The following RALGPS2 variants were observed in gnomAD, a reference collection of about 807,000 sequenced individuals.
The protein encoded by RALGPS2 is ras-specific guanine nucleotide-releasing factor RalGPS2.
A neutral mutation model predicts 86.8 loss-of-function variants in RALGPS2; 43 were observed. That is an observed-to-expected ratio of 0.50 (90% CI 0.39 to 0.64). The LOEUF (loss-of-function observed/expected upper bound fraction) is 0.64, where lower values mean the gene tolerates loss of function less well. RALGPS2 is among the 30% of genes least tolerant of loss of function. The pLI is 0.00. For missense variants in RALGPS2, 536 were observed against 694.6 expected, an observed-to-expected ratio of 0.77 and a Z score of 2.57; for synonymous variants, 243 against 231.3, an observed-to-expected ratio of 1.05 and a Z score of -0.46.
chr1:178,818,580 C>T (rs1180798153), intron 6 of RALGPS2, among the ~76,000 whole-genome samples: 1 of 152,178 alleles, frequency 6.6e-6, no homozygotes, highest in Non-Finnish European at 1.5e-5. Flanking sequence ...CTGTCAGCCT[C>T]CAGCACTGAC....
Position 178,862,337 on chromosome 1 carries a change from G to A in RALGPS2, c.608-15161G>A, listed in dbSNP as rs115989982. ...CAATTTTAAGAAGCTCTATAAAAAT[G>A]TCACCAAATCAACTAACACATATTT... On this transcript the variant is annotated intron_variant, in intron 8 of 19. Transcript: ENST00000367635. 3.7e-3 allele frequency among the ~76,000 whole-genome samples: 559 copies of A among 152,178 alleles called. 5 individuals carry two copies. The highest frequency in any genetic ancestry group is 0.012 in the African/African-American group (506 of 41,520).
chr1:178,731,815 T>A (rs545217632), intron 1 of RALGPS2, among the ~76,000 whole-genome samples: 2 of 152,212 alleles, frequency 1.3e-5, no homozygotes, highest in East Asian at 3.9e-4. Context: ...AGTTTAGAGG[T>A]CAGCAGACTT....
intron 17 of RALGPS2, 100 bp from the exon 18 acceptor site, chr1:178,902,006 T>C (rs1455700947): frequency 2.4e-6 from 2 of 831,126 alleles, no homozygotes; most frequent in South Asian, 1.7e-5. Context: ...AAATCTCATC[T>C]TTCATTAGGA....
intron 8 of RALGPS2, chr1:178,864,937 A>T (rs1048784505): frequency 7.1e-7 from 1 of 1,413,118 alleles, no homozygotes; most frequent in Non-Finnish European, 9.3e-7. Flanking sequence ...CACTTTTTAC[A>T]GTAAGAGGTA....
intron 1 of RALGPS2, among the ~76,000 whole-genome samples, chr1:178,775,615 A>G (rs1653042147): frequency 6.6e-6 from 1 of 152,176 alleles, no homozygotes; most frequent in Non-Finnish European, 1.5e-5. Context: ...GACTTCCAGT[A>G]AAGTGGAAAA....
intron 6 of RALGPS2, among the ~76,000 whole-genome samples, chr1:178,814,676 C>T (rs940828969): frequency 6.6e-6 from 1 of 152,100 alleles, no homozygotes; most frequent in African/African-American, 2.4e-5. Context: ...TCTTGAACTC[C>T]TGTGCTCAAG....
intron 8 of RALGPS2, among the ~76,000 whole-genome samples, chr1:178,845,385 C>T (rs1314122706): frequency 6.6e-6 from 1 of 152,004 alleles, no homozygotes; most frequent in Admixed American, 6.6e-5. Flanking sequence ...TTTCTTATAA[C>T]CCTCTGTAAT....
chr1:178,735,556 T>C (rs1650635148), intron 1 of RALGPS2, among the ~76,000 whole-genome samples: 1 of 150,134 alleles, frequency 6.7e-6, no homozygotes, highest in Non-Finnish European at 1.5e-5. Context: ...CCCAAGTAGC[T>C]GGGATTACAG....
intron 8 of RALGPS2, among the ~76,000 whole-genome samples, chr1:178,855,167 G>A (rs959316628): frequency 6.6e-6 from 1 of 151,938 alleles, no homozygotes; most frequent in Non-Finnish European, 1.5e-5. Context: ...TGCCAGATAT[G>A]TACAGTATTC....
At chr1:178,828,344 C>A (rs11800240) in intron 7 of RALGPS2, among the ~76,000 whole-genome samples, 35,994 of 152,084 alleles carry the variant, frequency 0.24, 4,972 homozygotes, top group Non-Finnish European at 0.32. Context: ...TACAATACAC[C>A]TAGGCTATAT....
intron 10 of RALGPS2, among the ~76,000 whole-genome samples, chr1:178,883,212 C>T (rs185941208): frequency 1.3e-5 from 2 of 152,218 alleles, no homozygotes; most frequent in Admixed American, 1.3e-4. Flanking sequence ...CTTGGCCAGG[C>T]TTGGTGGCTC....
chr1:178,878,900 A>G lies in RALGPS2; in HGVS notation c.746-2A>G. The G allele has an allele frequency of 6.2e-7, 1 of 1,612,138 alleles. No homozygotes were observed. Among genetic ancestry groups the G allele is most frequent in the Non-Finnish European group, 8.5e-7 (1 of 1,179,300 alleles). On this transcript the variant is annotated splice_acceptor_variant, in intron 9 of 19. Transcript: ENST00000367635. LOFTEE classifies it high-confidence loss of function. ...GATAATTATTTATCACCTTTTGCCT[A>G]GATATTCCCATGTTGCCTCATGTCC...
intron 1 of RALGPS2, among the ~76,000 whole-genome samples, chr1:178,751,099 A>G (rs1253684348): frequency 6.6e-6 from 1 of 151,396 alleles, no homozygotes; most frequent in Non-Finnish European, 1.5e-5. Flanking sequence ...AGTCTTTGTA[A>G]TTTATCTTCC....
Position 178,822,882 on chromosome 1 carries a change from C to T in RALGPS2, c.480+1178C>T, listed in dbSNP as rs538768892. ...TTTGCATCCAGGCTGGAGTGTAGCACGATCATAGCTTACTGCAGCCCCCAA... is the reference window on the plus strand; with the variant it reads ...TTTGCATCCAGGCTGGAGTGTAGCATGATCATAGCTTACTGCAGCCCCCAA... On this transcript the variant is annotated intron_variant, in intron 7 of 19. Coordinates refer to ENST00000367635, the MANE Select transcript of RALGPS2 (RefSeq NM_152663.5). Among the ~76,000 whole-genome samples, 18 of 152,196 alleles carry T rather than the reference C, an allele frequency of 1.2e-4. No individual in the cohort carries two copies. The South Asian group carries it at 1.2e-3, about 11-fold the overall frequency.
chr1:178,726,597 T>C (rs1359019168), intron 1 of RALGPS2, among the ~76,000 whole-genome samples: 1 of 151,878 alleles, frequency 6.6e-6, no homozygotes, highest in Non-Finnish European at 1.5e-5. Flanking sequence ...TTTAAGACCA[T>C]AAAGTGGAAT....
chr1:178,803,103 G>A (rs548880592), intron 4 of RALGPS2, among the ~76,000 whole-genome samples: 2 of 152,258 alleles, frequency 1.3e-5, no homozygotes, highest in African/African-American at 4.8e-5. Flanking sequence ...AAATGATTCA[G>A]TATTTCAGGA....
In RALGPS2 at chr1:178,808,071, A is replaced by G. The variant is rs1376427059; in HGVS notation, c.240A>G (p.Lys80=). Residue 80 remains lysine, a synonymous_variant, in exon 5 of 20, where the codon AAA becomes AAG. Coordinates refer to ENST00000367635, the MANE Select transcript of RALGPS2 (RefSeq NM_152663.5). Reference sequence around the variant, plus strand: ...AGCTTTCAAGTTGTGGATGGAATAAAAAAGAAAAATATAGTTCTGCACCAA... The same window carrying G: ...AGCTTTCAAGTTGTGGATGGAATAAGAAAGAAAAATATAGTTCTGCACCAA... ...PDELSSCGWN[K]KEKYSSAPNA... is the part of the protein sequence containing the mutation. 6.2e-7 allele frequency: 1 copy of G among 1,610,872 alleles called. No homozygotes were observed. The highest frequency in any genetic ancestry group is 1.1e-5 in the South Asian group (1 of 90,752).
intron 1 of RALGPS2, among the ~76,000 whole-genome samples, chr1:178,734,999 AAAT>A (rs1439633512): frequency 6.6e-6 from 1 of 152,200 alleles, no homozygotes; most frequent in Non-Finnish European, 1.5e-5. Flanking sequence ...AATAAAATAA[AAAT>A]AAGTTATGAA....
intron 5 of RALGPS2, 77 bp downstream of exon 5, chr1:178,808,205 CT>C: frequency 1.0e-6 from 1 of 990,064 alleles, no homozygotes; most frequent in South Asian, 1.4e-5. Context: ...AATAATTTAA[CT>C]TTTTACATCA....
Sources: allele counts gnomAD v4.1 joint callset (sites outside exome capture counted in the v4.1 genomes callset), GRCh38; gene constraint gnomAD v4.1.1; transcripts MANE v1.5; gene names NCBI Gene and HGNC (gene_info 2026-07-23, HGNC 2026-07-21).